UBASH3A: variants seen among roughly 807,000 people sequenced by gnomAD.
UBASH3A encodes ubiquitin-associated and SH3 domain-containing protein A.
Under a neutral mutation model 73.5 loss-of-function variants are expected in UBASH3A, and 63 were observed. The ratio of observed to expected loss-of-function variants is 0.86; its 90% CI spans 0.70 to 1.06. UBASH3A has a LOEUF of 1.06. Among genes scored for constraint, UBASH3A ranks in the 50% least tolerant of loss-of-function variants. The probability of loss-of-function intolerance (pLI) is 0.00; values close to 1 mark genes in which losing one functional copy is unlikely to be tolerated. For missense variants in UBASH3A, 860 were observed against 859.0 expected (o/e 1.00, Z -0.02); for synonymous variants, 363 against 351.1 (o/e 1.03, Z -0.38).
At chr21:42,417,419 C>CAAAAAAAAA (rs71190423) in intron 6 of UBASH3A, 17 of 74,266 alleles carry the variant, frequency 2.3e-4, no homozygotes, top group Middle Eastern at 7.5e-3. Context: ...GCGAGACTGG[C>CAAAAAAAAA]AAAAAAAAAA....
At chr21:42,406,821 C>A (rs1286567949) in intron 2 of UBASH3A, among the ~76,000 whole-genome samples, 1 of 152,166 alleles carries the variant, frequency 6.6e-6, no homozygotes, top group Non-Finnish European at 1.5e-5. Context: ...TGGGATTTTG[C>A]ATACTTGTGT....
At chr21:42,441,702 G>A (rs1490004560) in intron 11 of UBASH3A, among the ~76,000 whole-genome samples, 1 of 151,794 alleles carries the variant, frequency 6.6e-6, no homozygotes, top group African/African-American at 2.4e-5. Context: ...GTTGATTGGG[G>A]AGAACTTGGG....
At chr21:42,412,159 C>T (rs1175935946) in intron 3 of UBASH3A, among the ~76,000 whole-genome samples, 1 of 152,192 alleles carries the variant, frequency 6.6e-6, no homozygotes, top group African/African-American at 2.4e-5. Flanking sequence ...AGCAGCCTCC[C>T]CAGGGCGGTA....
At chr21:42,424,666 C>T (rs188966660) in intron 7 of UBASH3A, among the ~76,000 whole-genome samples, 142 of 152,296 alleles carry the variant, frequency 9.3e-4, no homozygotes, top group Non-Finnish European at 1.6e-3. Flanking sequence ...CTTCAAAAAC[C>T]TCAGAGCAAG....
At chr21:42,420,754 G>A (rs2053322348) in intron 7 of UBASH3A, among the ~76,000 whole-genome samples, 1 of 142,842 alleles carries the variant, frequency 7.0e-6, no homozygotes, top group South Asian at 2.2e-4. Context: ...CTCTGAGTGT[G>A]AGGAAAGCCT....
chr21:42,426,614 G>A (rs2053440304), intron 7 of UBASH3A, 83 bp from the exon 8 acceptor site: 1 of 1,524,708 alleles, frequency 6.6e-7, no homozygotes, highest in South Asian at 1.2e-5. Flanking sequence ...ACATTCTCAA[G>A]TACATACATG....
intron 7 of UBASH3A, among the ~76,000 whole-genome samples, chr21:42,421,460 C>A (rs2053337191): frequency 6.6e-6 from 1 of 152,218 alleles, no homozygotes; most frequent in Non-Finnish European, 1.5e-5. Flanking sequence ...GTTTAATTCT[C>A]TCCTAAAATG....
intron 3 of UBASH3A, among the ~76,000 whole-genome samples, chr21:42,411,308 T>C (rs1384709431): frequency 1.4e-5 from 2 of 147,410 alleles, no homozygotes; most frequent in East Asian, 4.1e-4. Context: ...CACACAGATA[T>C]ACACACACAG....
At chr21:42,439,306 C>A (rs1269330623) in intron 11 of UBASH3A, among the ~76,000 whole-genome samples, 1 of 152,182 alleles carries the variant, frequency 6.6e-6, no homozygotes, top group East Asian at 1.9e-4. Flanking sequence ...CTGCCCACCT[C>A]AGTCTTGCAG....
chr21:42,446,938 G>A, intron 14 of UBASH3A, 119 bp from the exon 15 acceptor site: 1 of 1,173,636 alleles, frequency 8.5e-7, no homozygotes. Flanking sequence ...GGCAGTGCCA[G>A]CCTGGGCAGT....
At chr21:42,430,707 T>C (rs1454037825) in intron 8 of UBASH3A, among the ~76,000 whole-genome samples, 1 of 152,180 alleles carries the variant, frequency 6.6e-6, no homozygotes, top group East Asian at 1.9e-4. Context: ...CTTTCCATGT[T>C]CATCCCTTGG....
rs141542317 is a variant in UBASH3A at position 42,446,135 on chromosome 21, A to C, written c.1849-922A>C. ...TCAAACCCATGAGCCTTTGTGGCCA[A>C]AGCTCCACCCACTCCTTGGACCCTT... On this transcript the variant is annotated intron_variant, in intron 14 of 14. Transcript: ENST00000319294. 5.6e-3 allele frequency among the ~76,000 whole-genome samples: 848 copies of C among 152,250 alleles called. 5 individuals are homozygous for C. The highest frequency in any genetic ancestry group is 0.019 in the African/African-American group (774 of 41,538).
chr21:42,439,232 C>A (rs947721131), intron 11 of UBASH3A, among the ~76,000 whole-genome samples: 1 of 152,150 alleles, frequency 6.6e-6, no homozygotes, highest in African/African-American at 2.4e-5. Context: ...CACAGAAATC[C>A]ATTGTATCAG....
At chr21:42,435,987 A>G (rs1185338538) in intron 10 of UBASH3A, among the ~76,000 whole-genome samples, 1 of 97,578 alleles carries the variant, frequency 1.0e-5, no homozygotes, top group African/African-American at 5.4e-5. Context: ...AGAGTTAGTT[A>G]TAGAGTTATA....
chr21:42,437,701 C>T, intron 11 of UBASH3A, 121 bp downstream of exon 11: 1 of 881,364 alleles, frequency 1.1e-6, no homozygotes, highest in Non-Finnish European at 1.8e-6. Context: ...ACACCAAAGT[C>T]ATCAGGCAAG....
intron 14 of UBASH3A, among the ~76,000 whole-genome samples, chr21:42,446,339 G>A (rs369603691): frequency 1.3e-5 from 2 of 152,132 alleles, no homozygotes; most frequent in East Asian, 3.9e-4. Context: ...AGCTGGAAAG[G>A]GAGCACTCAG....
chr21:42,444,437 T>C, intron 13 of UBASH3A, 97 bp from the exon 14 acceptor site: 2 of 903,728 alleles, frequency 2.2e-6, no homozygotes, highest in Admixed American at 1.8e-5. Context: ...CGGGGCACTC[T>C]GAGATAGCTC....
intron 14 of UBASH3A, among the ~76,000 whole-genome samples, chr21:42,445,014 C>G (rs554136641): frequency 6.6e-6 from 1 of 152,172 alleles, no homozygotes. Context: ...TGGGGCAGGG[C>G]GGCTGATGGA....
At chr21:42,423,402 C>T (rs1015170783) in intron 7 of UBASH3A, among the ~76,000 whole-genome samples, 2 of 152,226 alleles carry the variant, frequency 1.3e-5, no homozygotes, top group African/African-American at 4.8e-5. Flanking sequence ...GGCCAGGTGA[C>T]GTTGTACAAT....
Sources: allele counts gnomAD v4.1 joint callset (sites outside exome capture counted in the v4.1 genomes callset), GRCh38; gene constraint gnomAD v4.1.1; transcripts MANE v1.5; gene names NCBI Gene and HGNC (gene_info 2026-07-23, HGNC 2026-07-21).